Variants in SPOCK1 observed in about 807,000 individuals in gnomAD.
SPOCK1 encodes the protein testican-1.
SPOCK1 carries 23 observed loss-of-function variants against 55.3 expected under a neutral mutation model. The ratio of observed to expected loss-of-function variants is 0.42; its 90% confidence interval spans 0.30 to 0.59. SPOCK1 has a LOEUF of 0.59. Ranked by LOEUF, SPOCK1 falls within the 20% of genes least tolerant of loss-of-function variation. The pLI is 0.22. For synonymous variants in SPOCK1, 226 were observed against 221.0 expected (o/e 1.02, Z -0.20); for missense variants, 499 against 552.5 (o/e 0.90, Z 0.97).
chr5:137,015,140 G>T (rs1751426697), intron 6 of SPOCK1, among the ~76,000 whole-genome samples: 1 of 152,092 alleles, frequency 6.6e-6, no homozygotes, highest in African/African-American at 2.4e-5. Flanking sequence ...AAATTGGTCT[G>T]CTTTTTAAAG....
chr5:137,235,453 A>G (rs1054013847), intron 3 of SPOCK1, among the ~76,000 whole-genome samples: 2 of 152,240 alleles, frequency 1.3e-5, no homozygotes, highest in African/African-American at 4.8e-5. Flanking sequence ...ACTAGTTTCA[A>G]CCTGAGTCCT....
intron 2 of SPOCK1, among the ~76,000 whole-genome samples, chr5:137,471,482 C>T (rs1023936187): frequency 2.6e-5 from 4 of 152,180 alleles, no homozygotes; most frequent in Non-Finnish European, 5.9e-5. Context: ...ATGCTCAGCC[C>T]ATAGTAAATT....
At chr5:137,456,228 C>T (rs1319979398) in intron 2 of SPOCK1, among the ~76,000 whole-genome samples, 1 of 152,172 alleles carries the variant, frequency 6.6e-6, no homozygotes, top group Non-Finnish European at 1.5e-5. Context: ...CCCTCAGTTG[C>T]TTCTCCTATT....
intron 2 of SPOCK1, among the ~76,000 whole-genome samples, chr5:137,457,398 G>A (rs554758406): frequency 4.9e-4 from 74 of 152,194 alleles, no homozygotes; most frequent in Non-Finnish European, 3.5e-4. Flanking sequence ...GTGTGGGGCA[G>A]TGGGAGAGCA....
chr5:137,457,509 CT>C (rs1753390607), intron 2 of SPOCK1, among the ~76,000 whole-genome samples: 1 of 152,086 alleles, frequency 6.6e-6, no homozygotes, highest in Non-Finnish European at 1.5e-5. Flanking sequence ...TTGACTATTC[CT>C]TCTAGACAAG....
In SPOCK1 at chr5:137,434,480, CTTTTTTTTTTTTTTTTT is replaced by C. The variant is rs146762668; in HGVS notation, c.186+63876_186+63892del. Among the ~76,000 whole-genome samples the C allele has an allele frequency of 8.3e-3, 569 of 68,292 alleles. 5 individuals are homozygous for C. The highest frequency in any genetic ancestry group is 0.032 in the African/African-American group (543 of 16,730). 44.8% of individuals were successfully genotyped at this position (68,292 alleles called of 152,430 possible). On this transcript the variant is annotated intron_variant, in intron 2 of 10. Coordinates refer to ENST00000394945, the MANE Select transcript of SPOCK1 (RefSeq NM_004598.4). Reference sequence around the variant, plus strand: ...TTTCCCTTCTCCATTTCTTTTTTTTCTTTTTTTTTTTTTTTTTTTTTTTTTTTTTTGAGATGGAGTCT... The same window carrying C: ...TTTCCCTTCTCCATTTCTTTTTTTTCTTTTTTTTTTTTTGAGATGGAGTCT...
intron 2 of SPOCK1, among the ~76,000 whole-genome samples, chr5:137,293,910 G>A (rs944679702): frequency 6.6e-6 from 1 of 152,136 alleles, no homozygotes; most frequent in African/African-American, 2.4e-5. Context: ...CCAGCTACTC[G>A]GGAGGCTGAG....
chr5:137,242,859 AAC>A (rs1224909452), intron 3 of SPOCK1, among the ~76,000 whole-genome samples: 4 of 152,246 alleles, frequency 2.6e-5, no homozygotes, highest in East Asian at 1.9e-4. Context: ...CATTGTGTAT[AAC>A]ATGTTCATAT....
intron 6 of SPOCK1, among the ~76,000 whole-genome samples, chr5:137,053,278 C>A (rs1274501422): frequency 1.3e-5 from 2 of 152,092 alleles, no homozygotes; most frequent in Non-Finnish European, 1.5e-5. Context: ...GTGGTTATCA[C>A]AGAAAGCCAA....
intron 6 of SPOCK1, among the ~76,000 whole-genome samples, chr5:137,031,711 C>T (rs1367109343): frequency 6.6e-6 from 1 of 152,070 alleles, no homozygotes; most frequent in Non-Finnish European, 1.5e-5. Context: ...ATTATCAGAC[C>T]CTGTTTTTTA....
chr5:137,275,235 T>A (rs931128560), intron 2 of SPOCK1, among the ~76,000 whole-genome samples: 4 of 152,210 alleles, frequency 2.6e-5, no homozygotes, highest in Non-Finnish European at 5.9e-5. Flanking sequence ...TGTCCGAGTA[T>A]CACAAATCCC....
At chr5:137,452,100 A>C (rs1753266416) in intron 2 of SPOCK1, among the ~76,000 whole-genome samples, 1 of 152,206 alleles carries the variant, frequency 6.6e-6, no homozygotes, top group Admixed American at 6.5e-5. Context: ...CCAGTGTTTC[A>C]GATTTTGGAT....
intron 6 of SPOCK1, among the ~76,000 whole-genome samples, chr5:137,000,006 C>G (rs1230683163): frequency 1.6e-4 from 24 of 152,214 alleles, no homozygotes; most frequent in Admixed American, 1.6e-3. Context: ...CAGCCCCCCT[C>G]TCTCAGGCAA....
chr5:137,202,987 T>C (rs1755453909), intron 3 of SPOCK1, among the ~76,000 whole-genome samples: 1 of 152,234 alleles, frequency 6.6e-6, no homozygotes. Context: ...AAATGTTGAT[T>C]GCTTGTTGCA....
rs371648136 is a variant in SPOCK1 at position 137,067,703 on chromosome 5, A to C, written c.589+12T>G. The C allele has an allele frequency of 1.2e-6, 2 of 1,611,318 alleles. No individual in the cohort carries two copies. Among genetic ancestry groups the C allele is most frequent in the African/African-American group, 2.7e-5 (2 of 74,896 alleles). On this transcript the variant is annotated intron_variant, in intron 6 of 10. Transcript: ENST00000394945. ...CCTGCCCACGAATTCTCTGAAGGAA[A>C]CCCTCACTCACCACTCCTTTCTGCC...
intron 3 of SPOCK1, among the ~76,000 whole-genome samples, chr5:137,147,237 G>A (rs559776145): frequency 3.3e-4 from 50 of 152,050 alleles, no homozygotes; most frequent in African/African-American, 1.2e-3. Flanking sequence ...CAACATTTTG[G>A]TATACATAAA....
chr5:137,400,457 C>G (rs1751950935), intron 2 of SPOCK1, among the ~76,000 whole-genome samples: 1 of 152,198 alleles, frequency 6.6e-6, no homozygotes, highest in South Asian at 2.1e-4. Context: ...CGTAGAGTCT[C>G]TACCCACATG....
At chr5:137,059,959 CA>C (rs1196648179) in intron 6 of SPOCK1, among the ~76,000 whole-genome samples, 1 of 152,078 alleles carries the variant, frequency 6.6e-6, no homozygotes, top group Non-Finnish European at 1.5e-5. Context: ...CAGATGCTGG[CA>C]AGGCTGCAGA....
At chr5:137,075,035 C>T (rs1752727305) in intron 5 of SPOCK1, among the ~76,000 whole-genome samples, 1 of 152,006 alleles carries the variant, frequency 6.6e-6, no homozygotes, top group Admixed American at 6.6e-5. Context: ...GACCGGGTTT[C>T]ACCATGTTGG....
Sources: gnomAD v4.1 joint callset for allele counts (sites outside exome capture counted in the v4.1 genomes callset) on GRCh38, gnomAD v4.1.1 for gene constraint, MANE v1.5 for transcripts, NCBI Gene and HGNC (gene_info 2026-07-23, HGNC 2026-07-21) for gene names.